The following CSMD1 variants were observed in gnomAD, a reference collection of about 807,000 sequenced individuals.
CSMD1 encodes CUB and sushi domain-containing protein 1.
In CSMD1, 213 loss-of-function variants were observed where a neutral mutation model predicts 417.5. The ratio of observed to expected loss-of-function variants is 0.51; its 90% CI spans 0.46 to 0.57. The LOEUF (loss-of-function observed/expected upper bound fraction) is 0.57, where lower values mean the gene tolerates loss of function less well. Among genes scored for constraint, CSMD1 ranks in the 20% least tolerant of loss-of-function variants. The pLI is 0.00. For missense variants in CSMD1, 6,923 were observed against 4,529.7 expected (o/e 1.53, Z -15.17); for synonymous variants, 2,862 against 1,736.8 (o/e 1.65, Z -16.11).
intron 5 of CSMD1, among the ~76,000 whole-genome samples, chr8:3,850,327 CACCCCTGACTCTTTCT>C (rs77887266): frequency 0.015 from 2,317 of 152,340 alleles, 32 homozygotes; most frequent in Non-Finnish European, 0.024. Flanking sequence ...CATAGGGTCT[CACCCCTGACTCTTTCT>C]ACTATCCTTG....
chr8:4,707,663 G>T (rs987861397), intron 1 of CSMD1, among the ~76,000 whole-genome samples: 13 of 151,888 alleles, frequency 8.6e-5, no homozygotes, highest in Non-Finnish European at 1.8e-4. Context: ...GAGGCGGGCG[G>T]ATCACCTGAG....
intron 49 of CSMD1, among the ~76,000 whole-genome samples, chr8:3,066,926 T>C (rs1812972554): frequency 6.6e-6 from 1 of 152,190 alleles, no homozygotes; most frequent in African/African-American, 2.4e-5. Context: ...AGTAGGAGCT[T>C]CTAGTTAAGA....
chr8:4,986,983 T>C (rs1444423926), intron 1 of CSMD1, among the ~76,000 whole-genome samples: 2 of 152,142 alleles, frequency 1.3e-5, no homozygotes, highest in East Asian at 1.9e-4. Flanking sequence ...ATAGATAATG[T>C]TTATATACAG....
At chr8:3,393,112 G>T (rs567293771) in intron 17 of CSMD1, among the ~76,000 whole-genome samples, 1 of 152,206 alleles carries the variant, frequency 6.6e-6, no homozygotes, top group South Asian at 2.1e-4. Context: ...TCAAGGTTCA[G>T]TATCACATCC....
intron 1 of CSMD1, among the ~76,000 whole-genome samples, chr8:4,856,780 C>T (rs1801826653): frequency 6.7e-6 from 1 of 150,042 alleles, no homozygotes; most frequent in South Asian, 2.1e-4. Context: ...TCCTGAGTGA[C>T]CTACAAAGAG....
Position 4,675,983 on chromosome 8 carries a change from A to G in CSMD1, c.86-38425T>C, listed in dbSNP as rs185100654. 1.2e-4 allele frequency among the ~76,000 whole-genome samples: 18 copies of G among 152,298 alleles called. No individual in the cohort carries two copies. The East Asian group carries it at 3.3e-3, about 28-fold the overall frequency. The stretch of plus-strand genomic sequence containing the variant: ...GTGTCTGCCTTTTATAGATAATAGC[A>G]ATTCTTCACATTTGCTTTACATTTG... On this transcript the variant is annotated intron_variant, in intron 1 of 69. Coordinates refer to ENST00000635120, the MANE Select transcript of CSMD1 (RefSeq NM_033225.6).
rs192371112 is a variant in CSMD1, at chr8:4,543,071, C to T, written c.302+94271G>A. ...AGATTTCATATATACCCCTCACATG[C>T]CTCCCATAGTTTTCCCTATTATCAA... On this transcript the variant is annotated intron_variant, in intron 2 of 69. Coordinates refer to ENST00000635120, the MANE Select transcript of CSMD1 (RefSeq NM_033225.6). 2.6e-5 allele frequency among the ~76,000 whole-genome samples: 4 copies of T among 152,226 alleles called. No individual in the cohort carries two copies. The East Asian group carries it at 7.7e-4, about 29-fold the overall frequency.
intron 3 of CSMD1, among the ~76,000 whole-genome samples, chr8:4,399,259 C>CA (rs1563133011): frequency 9.2e-5 from 14 of 152,150 alleles, no homozygotes; most frequent in African/African-American, 2.4e-5. Context: ...TTCCTCCCCA[C>CA]AAAAACAGCA....
At chr8:4,769,903 T>A (rs923138695) in intron 1 of CSMD1, among the ~76,000 whole-genome samples, 1 of 152,216 alleles carries the variant, frequency 6.6e-6, no homozygotes, top group African/African-American at 2.4e-5. Flanking sequence ...ATAAAAATCA[T>A]GAATCCTCAT....
chr8:3,484,153 T>C (rs569435461), intron 11 of CSMD1, among the ~76,000 whole-genome samples: 1 of 152,160 alleles, frequency 6.6e-6, no homozygotes, highest in East Asian at 1.9e-4. Flanking sequence ...AACAATAAAG[T>C]GAGAAACATC....
chr8:3,794,877 C>CTT (rs1424160178), intron 5 of CSMD1, among the ~76,000 whole-genome samples: 8 of 151,506 alleles, frequency 5.3e-5, no homozygotes, highest in Non-Finnish European at 1.0e-4. Context: ...AATGATCTCT[C>CTT]TCTCTCTCTT....
chr8:4,176,192 T>C (rs553365620), intron 3 of CSMD1, among the ~76,000 whole-genome samples: 1 of 152,006 alleles, frequency 6.6e-6, no homozygotes, highest in African/African-American at 2.4e-5. Context: ...CAGAACCACA[T>C]CCACCCTGTT....
intron 26 of CSMD1, among the ~76,000 whole-genome samples, chr8:3,252,156 G>C (rs888482765): frequency 1.3e-5 from 2 of 152,176 alleles, no homozygotes; most frequent in African/African-American, 2.4e-5. Flanking sequence ...CAAAGGGAAT[G>C]CTTCCAGTTT....
rs140523392 is a variant in CSMD1 at position 3,890,073 on chromosome 8, G to A, written c.818+107830C>T. 1.6e-3 allele frequency among the ~76,000 whole-genome samples: 241 copies of A among 152,132 alleles called. 3 individuals carry two copies. The highest frequency in any genetic ancestry group is 5.5e-3 in the African/African-American group (227 of 41,502). On this transcript the variant is annotated intron_variant, in intron 5 of 69. Transcript: ENST00000635120. ...TGAATCCCAATTTATCATTGCATTT[G>A]TGTGTTTTTATTTTAGGACAAATGA...
chr8:3,164,488 C>T (rs59272087), intron 37 of CSMD1, among the ~76,000 whole-genome samples: 2,284 of 152,214 alleles, frequency 0.015, 57 homozygotes, highest in African/African-American at 0.05. Context: ...TAATGTAAGT[C>T]TAAAATCTTT....
chr8:4,547,130 C>A (rs1425486696), intron 2 of CSMD1, among the ~76,000 whole-genome samples: 2 of 152,164 alleles, frequency 1.3e-5, no homozygotes, highest in African/African-American at 4.8e-5. Flanking sequence ...AGACCTGTTT[C>A]TAAATTATTT....
chr8:3,083,648 ATTTTTTTTTTTTTTTTT>A (rs34049524), intron 49 of CSMD1, among the ~76,000 whole-genome samples: 95 of 13,502 alleles, frequency 7.0e-3, no homozygotes, highest in Middle Eastern at 0.071. Flanking sequence ...ATATATATAT[ATTTTTTTTTTTTTTTTT>A]TTTTTTTTTT....
intron 12 of CSMD1, among the ~76,000 whole-genome samples, chr8:3,433,780 G>C (rs1285157621): frequency 6.6e-6 from 1 of 152,160 alleles, no homozygotes; most frequent in African/African-American, 2.4e-5. Context: ...TAAGACTTCA[G>C]AGCAGATTCA....
chr8:4,787,745 T>G, intron 1 of CSMD1: 1 of 1,588,506 alleles, frequency 6.3e-7, no homozygotes. Flanking sequence ...GAGGAACAGC[T>G]GATTGCTGCA....
Sources: allele counts gnomAD v4.1 joint callset (sites outside exome capture counted in the v4.1 genomes callset), GRCh38; gene constraint gnomAD v4.1.1; transcripts MANE v1.5; gene names NCBI Gene and HGNC (gene_info 2026-07-23, HGNC 2026-07-21).